DNAJB2: variants seen among roughly 807,000 people sequenced by gnomAD.
DNAJB2 encodes dnaJ homolog subfamily B member 2.
DNAJB2 carries 19 observed loss-of-function variants against 33.3 expected under a neutral mutation model. The ratio of observed to expected loss-of-function variants is 0.57; its 90% CI spans 0.40 to 0.84. The LOEUF (loss-of-function observed/expected upper bound fraction) is 0.84, where lower values mean the gene tolerates loss of function less well. DNAJB2 is among the 40% of genes least tolerant of loss of function. The pLI is 0.00. For missense variants in DNAJB2, 368 were observed against 430.9 expected, an observed-to-expected ratio of 0.85 and a Z score of 1.29; for synonymous variants, 172 against 164.6, an observed-to-expected ratio of 1.04 and a Z score of -0.34.
intron 2 of DNAJB2, 33 bp from the exon 3 acceptor site, chr2:219,280,545 C>G: frequency 6.4e-7 from 1 of 1,571,504 alleles, no homozygotes; most frequent in Non-Finnish European, 8.8e-7. Context: ...GCATTTGTCC[C>G]CCGACTCTCT....
rs1416482498 is a variant in DNAJB2 at position 219,279,626 on chromosome 2, G to A, written c.-37+108G>A. The stretch of plus-strand genomic sequence containing the variant: ...GGGCGTCGAGATAGCTCTTGGCCCC[G>A]GCCTGCGGGGGCAGATAAGGCTGCC... On this transcript the variant is annotated intron_variant, in intron 1 of 8. Transcript: ENST00000336576. This position sits in a 1 kb window ranked among gnomAD's most constrained non-coding sequence, Gnocchi z 4.9. 4 of 590,108 alleles carry A rather than the reference G, an allele frequency of 6.8e-6. No homozygotes were observed. Among genetic ancestry groups the A allele is most frequent in the Non-Finnish European group, 1.2e-5 (4 of 335,380 alleles). The allele number at this position is 590,108 out of a possible 1,614,324, so 36.6% of individuals were successfully genotyped here.
chr2:219,282,354 T>G, intron 5 of DNAJB2: 1 of 470,294 alleles, frequency 2.1e-6, no homozygotes, highest in Non-Finnish European at 3.8e-6. Flanking sequence ...CTTGTGACAA[T>G]ATTGTTATTA....
Position 219,283,636 on chromosome 2 carries a change from A to G in DNAJB2, c.619+147A>G, listed in dbSNP as rs565672776. 7 of 802,086 alleles carry G rather than the reference A, an allele frequency of 8.7e-6. No individual in the cohort carries two copies. The Admixed American group carries it at 1.2e-4, about 14-fold the overall frequency. 49.7% of individuals were successfully genotyped at this position (802,086 alleles called of 1,614,324 possible). A position where few individuals can be genotyped will look rare whatever the true frequency, so the allele number is the denominator to read the frequency against. ...CAGACTGGTAGGATCAGAGATGGCA[A>G]TGTCGGGAAGGGGGTGAAGGAGTCT... On this transcript the variant is annotated intron_variant, in intron 8 of 8. Transcript: ENST00000336576.
Position 219,286,880 on chromosome 2 carries a change from A to G in DNAJB2, c.*1893A>G, listed in dbSNP as rs1439680883. 1 of 152,282 alleles carries G rather than the reference A, an allele frequency of 6.6e-6. No individual in the cohort carries two copies. The highest frequency in any genetic ancestry group is 1.5e-5 in the Non-Finnish European group (1 of 68,096). 9.4% of individuals were successfully genotyped at this position (152,282 alleles called of 1,614,324 possible). On this transcript the variant is annotated 3_prime_UTR_variant, in exon 9 of 9. Coordinates refer to ENST00000336576, the MANE Select transcript of DNAJB2 (RefSeq NM_006736.6). Reference sequence around the variant, plus strand: ...CAGGGGGAAATGCTGGAAGTCAATAAAACTGAGTTTTGAGAGCTTGGTGGT... The same window carrying G: ...CAGGGGGAAATGCTGGAAGTCAATAGAACTGAGTTTTGAGAGCTTGGTGGT...
At chr2:219,280,433 G>A in intron 2 of DNAJB2, 145 bp from the exon 3 acceptor site, 1 of 629,878 alleles carries the variant, frequency 1.6e-6, no homozygotes, top group Non-Finnish European at 2.8e-6. Flanking sequence ...TATCACAGCA[G>A]CGGCAGCCCT....
In DNAJB2 at chr2:219,284,673, C is replaced by T. The variant is rs780188059; in HGVS notation, c.661C>T (p.Arg221Cys). The change falls in exon 9 of 9, where the codon CGC (arginine) becomes TGC (cysteine). Residue 221 changes from arginine to cysteine, a missense_variant. Transcript: ENST00000336576. Reference protein sequence around the residue: ...DLALGLELSRREQQPSVTSRS... With the variant: ...DLALGLELSRCEQQPSVTSRS... Reference sequence around the variant, plus strand: ...GGCACTGGGCTTGGAGCTGAGCCGTCGCGAGCAGCAGCCGTCAGTCACTTC... The same window carrying T: ...GGCACTGGGCTTGGAGCTGAGCCGTTGCGAGCAGCAGCCGTCAGTCACTTC... 7.2e-5 allele frequency: 116 copies of T among 1,607,006 alleles called. 5 individuals are homozygous for T. In the South Asian group the frequency reaches 1.2e-3, roughly 16 times the overall value.
At position 219,286,271 on chromosome 2, in the gene DNAJB2, G is replaced by A; in HGVS notation, c.*1284G>A. 4.2e-6 allele frequency: 2 copies of A among 477,452 alleles called. No individual in the cohort carries two copies. Among genetic ancestry groups the A allele is most frequent in the South Asian group, 3.3e-5 (1 of 30,014 alleles). 29.6% of individuals were successfully genotyped at this position (477,452 alleles called of 1,614,324 possible). On this transcript the variant is annotated 3_prime_UTR_variant, in exon 9 of 9. Transcript: ENST00000336576. ...ATAGATCCCGCTTGGGGGAGGTGGT[G>A]TATGGTTACGGAGCTGTGCATCTTG...
At chr2:219,282,113 G>A in intron 5 of DNAJB2, 52 bp downstream of exon 5, 1 of 1,613,736 alleles carries the variant, frequency 6.2e-7, no homozygotes, top group Non-Finnish European at 8.5e-7. Context: ...CTCCAGGCCT[G>A]TCCTTCCATC....
Position 219,282,891 on chromosome 2 carries a change from C to T in DNAJB2, c.407C>T (p.Pro136Leu), listed in dbSNP as rs746554507. ...LQNRGSRHSG[P>L]FFTFSSSFPG... is the part of the protein sequence containing the mutation. ...AACCGGGGTTCCCGACACTCAGGCC[C>T]CTTCTTTACCTTCTCTTCCTCCTTC... The change falls in exon 6 of 9, where the codon CCC becomes CTC. Residue 136 changes from proline (P) to leucine (L), a missense_variant. Physicochemically the swap from Pro to Leu is moderately conservative, Grantham distance 98. Transcript: ENST00000336576. 4 of 1,606,660 alleles carry T rather than the reference C, an allele frequency of 2.5e-6. No homozygotes were observed. The highest frequency in any genetic ancestry group is 3.4e-6 in the Non-Finnish European group (4 of 1,177,506).
chr2:219,279,679 C>T lies in DNAJB2; in HGVS notation c.-36-119C>T, dbSNP rs1951886249. On this transcript the variant is annotated intron_variant, in intron 1 of 8. Transcript: ENST00000336576. The surrounding 1 kb of genome is among the most constrained non-coding windows in gnomAD (Gnocchi z 4.9). The stretch of plus-strand genomic sequence containing the variant: ...AGGGAGCCTAGTCACCGGCCGCAAG[C>T]AGAGCCCGGTGTGCTCCGCTTCCAA... The T allele has an allele frequency of 5.4e-6, 4 of 735,482 alleles. No individual in the cohort carries two copies. Among genetic ancestry groups the T allele is most frequent in the Non-Finnish European group, 8.8e-6 (4 of 455,586 alleles). The allele number at this position is 735,482 out of a possible 1,614,324, so 45.6% of individuals were successfully genotyped here.
In DNAJB2 at chr2:219,285,588, T is replaced by TC. The variant is rs1255272145; in HGVS notation, c.*602dup. 2.8e-6 allele frequency: 3 copies of TC among 1,057,380 alleles called. No homozygotes were observed. The highest frequency in any genetic ancestry group is 3.4e-6 in the Non-Finnish European group (3 of 875,224). 65.5% of individuals were successfully genotyped at this position (1,057,380 alleles called of 1,614,324 possible). A position where few individuals can be genotyped will look rare whatever the true frequency, so the allele number is the denominator to read the frequency against. On this transcript the variant is annotated 3_prime_UTR_variant, in exon 9 of 9. Coordinates refer to ENST00000336576, the MANE Select transcript of DNAJB2 (RefSeq NM_006736.6). ...CACTGCCGTCTGGCTAGGACTCCCT[T>TC]CTTCCTTCCTTCCCCGAGAAGGCCT...
In DNAJB2 at chr2:219,279,534, C is replaced by T. The variant is rs1286791964; in HGVS notation, c.-37+16C>T. On this transcript the variant is annotated intron_variant, in intron 1 of 8. Transcript: ENST00000336576. This position sits in a 1 kb window ranked among gnomAD's most constrained non-coding sequence, Gnocchi z 4.9. ...GGCGGAGGAGGTGCGGCCGGGGGCC[C>T]GGGTCAGGCTGGGGGCCCTGGATCG... 6.4e-6 allele frequency: 2 copies of T among 310,594 alleles called. No individual in the cohort carries two copies. The highest frequency in any genetic ancestry group is 6.3e-5 in the East Asian group (1 of 15,800). 19.2% of individuals were successfully genotyped at this position (310,594 alleles called of 1,614,324 possible).
rs146485407 is a variant in DNAJB2 at position 219,284,794 on chromosome 2, A to G, written c.782A>G (p.Tyr261Cys). 8 of 1,612,990 alleles carry G rather than the reference A, an allele frequency of 5.0e-6. No homozygotes were observed. The African/African-American group carries it at 9.3e-5, about 19-fold the overall frequency. ...GAGGACCTGCAGCTGGCCATGGCCT[A>G]CAGCCTGTCAGAGATGGAGGCAGCT... Reference protein sequence around the residue: ...EDEDLQLAMAYSLSEMEAAGK... With the variant: ...EDEDLQLAMACSLSEMEAAGK... Residue 261 changes from tyrosine to cysteine, a missense_variant, in exon 9 of 9, where the codon TAC becomes TGC. Coordinates refer to ENST00000336576, the MANE Select transcript of DNAJB2 (RefSeq NM_006736.6).
At chr2:219,280,271 T>C in intron 2 of DNAJB2, 1 of 529,754 alleles carries the variant, frequency 1.9e-6, no homozygotes, top group South Asian at 2.4e-5. Flanking sequence ...GGGGCCGGTG[T>C]CCCTGTACTC....
At position 219,284,862 on chromosome 2, in the gene DNAJB2, C is replaced by T; in HGVS notation, c.850C>T (p.Gln284Ter). ...TGGGCGGGAGGCACAGCACCGACGGCAGGGGCGGCCCAAGGCCCAGCACCA... is the reference window on the plus strand; with the variant it reads ...TGGGCGGGAGGCACAGCACCGACGGTAGGGGCGGCCCAAGGCCCAGCACCA... ...AGGREAQHRR[Q>*]GRPKAQHQDP... The change falls in exon 9 of 9, where the codon CAG becomes TAG. Residue 284 changes from glutamine (Q) to a stop codon, truncating the protein, a stop_gained. Coordinates refer to ENST00000336576, the MANE Select transcript of DNAJB2 (RefSeq NM_006736.6). LOFTEE classifies it high-confidence loss of function. 6.2e-7 allele frequency: 1 copy of T among 1,609,954 alleles called. No homozygotes were observed. Among genetic ancestry groups the T allele is most frequent in the Non-Finnish European group, 8.5e-7 (1 of 1,177,976 alleles).
At chr2:219,281,339 G>C (rs147024551) in intron 3 of DNAJB2, 1 of 231,432 alleles carries the variant, frequency 4.3e-6, no homozygotes, top group African/African-American at 2.3e-5. Flanking sequence ...GGTTGTAGAA[G>C]GCCTCTCCGA....
In DNAJB2 at chr2:219,283,505, C is replaced by T; in HGVS notation, c.619+16C>T. 4 of 1,609,350 alleles carry T rather than the reference C, an allele frequency of 2.5e-6. No homozygotes were observed. Among genetic ancestry groups the T allele is most frequent in the Non-Finnish European group, 3.4e-6 (4 of 1,177,724 alleles). ...ACAATCAATGGTGAGGAGCAGCTCC[C>T]CTACCCAGCCCCTGGCAGGAAGCCC... is the stretch of plus-strand genomic sequence containing the variant. On this transcript the variant is annotated intron_variant, in intron 8 of 8. Transcript: ENST00000336576.
At position 219,285,065 on chromosome 2, in the gene DNAJB2, C is replaced by G. The variant is rs3731898; in HGVS notation, c.*78C>G. 7,845 of 1,421,604 alleles carry G rather than the reference C, an allele frequency of 5.5e-3. 422 individuals are homozygous for G. The East Asian group carries it at 0.12, about 22-fold the overall frequency. 88.1% of individuals were successfully genotyped at this position (1,421,604 alleles called of 1,614,324 possible). ...CTGTGGGAAGAGAAGAGGGGAGTAT[C>G]CTGAGTTGTAGGAACTGCTTTCCAA... On this transcript the variant is annotated 3_prime_UTR_variant, in exon 9 of 9. Transcript: ENST00000336576.
rs1047433593 is a variant in DNAJB2 at position 219,285,124 on chromosome 2, C to A, written c.*137C>A. On this transcript the variant is annotated 3_prime_UTR_variant, in exon 9 of 9. Coordinates refer to ENST00000336576, the MANE Select transcript of DNAJB2 (RefSeq NM_006736.6). Reference sequence around the variant, plus strand: ...TCCCTCCACAAGTTTCCCTCCCAGGCCCCCCACACCCCAGTGTGGACTTGG... The same window carrying A: ...TCCCTCCACAAGTTTCCCTCCCAGGACCCCCACACCCCAGTGTGGACTTGG... 5 of 1,375,618 alleles carry A rather than the reference C, an allele frequency of 3.6e-6. No homozygotes were observed. The Admixed American group carries it at 1.2e-4, about 34-fold the overall frequency. The allele number at this position is 1,375,618 out of a possible 1,614,324, so 85.2% of individuals were successfully genotyped here.
Sources: allele counts gnomAD v4.1 joint callset, GRCh38; gene constraint gnomAD v4.1.1; non-coding constraint Gnocchi (gnomAD v3.1); transcripts MANE v1.5; gene names NCBI Gene and HGNC (gene_info 2026-07-23, HGNC 2026-07-21).